Variants in NDST1 observed in about 807,000 individuals in gnomAD.
The protein encoded by NDST1 is N-deacetylase and N-sulfotransferase 1, also known as bifunctional heparan sulfate N-deacetylase/N-sulfotransferase 1.
In NDST1, 35 loss-of-function variants were observed where a neutral mutation model predicts 92.8. The observed-to-expected ratio is 0.38, with a 90% confidence interval of 0.29 to 0.50. NDST1 has a LOEUF of 0.50. Ranked by LOEUF, NDST1 falls within the 20% of genes least tolerant of loss-of-function variation. NDST1 has a pLI of 0.94. For synonymous variants in NDST1, 493 were observed against 500.3 expected (o/e 0.99, Z 0.19); for missense variants, 822 against 1,182.7 (o/e 0.69, Z 4.47).
intron 11 of NDST1, among the ~76,000 whole-genome samples, chr5:150,546,017 A>G (rs1223529316): frequency 1.4e-5 from 1 of 69,818 alleles, no homozygotes; most frequent in African/African-American, 5.9e-5. Flanking sequence ...TTTTTTTTTG[A>G]GACAGAGTCT....
chr5:150,551,902 G>A, intron 14 of NDST1, 47 bp downstream of exon 14: 1 of 1,605,576 alleles, frequency 6.2e-7, no homozygotes, highest in Non-Finnish European at 8.5e-7. Context: ...AGGGTAAGGG[G>A]TCCCTGTATG....
rs181809977 is a variant in NDST1 at position 150,516,799 on chromosome 5, G to A, written c.-387-4069G>A. Among the ~76,000 whole-genome samples, 6 of 152,270 alleles carry A rather than the reference G, an allele frequency of 3.9e-5. No individual in the cohort carries two copies. The East Asian group carries it at 9.7e-4, about 24-fold the overall frequency. On this transcript the variant is annotated intron_variant, in intron 1 of 14. Coordinates refer to ENST00000261797, the MANE Select transcript of NDST1 (RefSeq NM_001543.5). ...TCTTGCCTCAGCCTCCCGAGTAGCTGGAATTACAGGTGCCTGCTACCATGC... is the reference window on the plus strand; with the variant it reads ...TCTTGCCTCAGCCTCCCGAGTAGCTAGAATTACAGGTGCCTGCTACCATGC...
At chr5:150,544,864 G>T (rs916538620) in intron 10 of NDST1, among the ~76,000 whole-genome samples, 4 of 152,144 alleles carry the variant, frequency 2.6e-5, no homozygotes, top group Admixed American at 2.6e-4. Flanking sequence ...AAGAAAGTCC[G>T]CCCTCTGGAG....
intron 2 of NDST1, among the ~76,000 whole-genome samples, chr5:150,524,141 A>C (rs974815476): frequency 5.3e-5 from 8 of 152,244 alleles, no homozygotes; most frequent in African/African-American, 1.2e-4. Context: ...TCTGTCATTT[A>C]GAAACAGAGT....
In NDST1 at chr5:150,553,806, G is replaced by A. The variant is rs1450117323; in HGVS notation, c.*474G>A. On this transcript the variant is annotated 3_prime_UTR_variant, in exon 15 of 15. Coordinates refer to ENST00000261797, the MANE Select transcript of NDST1 (RefSeq NM_001543.5). This position sits in a 1 kb window ranked among gnomAD's most constrained non-coding sequence, Gnocchi z 4.2. ...TGTTTCGAGCCAGGCTCTTCCAAGG[G>A]GCCAGCTGGGTCCCCGGAGTCAGTC... 2.2e-6 allele frequency: 1 copy of A among 453,220 alleles called. No individual in the cohort carries two copies. The highest frequency in any genetic ancestry group is 4.0e-6 in the Non-Finnish European group (1 of 251,006). 28.1% of individuals were successfully genotyped at this position (453,220 alleles called of 1,614,324 possible).
chr5:150,537,648 G>A (rs181405354), intron 6 of NDST1, among the ~76,000 whole-genome samples: 26 of 152,280 alleles, frequency 1.7e-4, no homozygotes, highest in East Asian at 9.6e-4. Flanking sequence ...ATTTCGCCCC[G>A]TCCTGTGATC....
intron 1 of NDST1, among the ~76,000 whole-genome samples, chr5:150,519,615 G>C (rs1254108807): frequency 6.6e-6 from 1 of 152,098 alleles, no homozygotes; most frequent in East Asian, 1.9e-4. Context: ...TTAAACTGGG[G>C]AGGCGGAGGT....
In NDST1 at chr5:150,539,266, C is replaced by A; in HGVS notation, c.1476C>A (p.Thr492=). The A allele has an allele frequency of 1.9e-6, 3 of 1,614,182 alleles. No homozygotes were observed. Among genetic ancestry groups the A allele is most frequent in the Non-Finnish European group, 8.5e-7 (1 of 1,180,038 alleles). ...PRQTCGLFTH[T]IFYNEYPGGS... ...AGACCTGCGGCCTCTTCACACACAC[C>A]ATCTTCTACAACGAGTACCCTGGCG... The change falls in exon 7 of 15, where the codon ACC becomes ACA. Residue 492 remains threonine, a synonymous_variant. Coordinates refer to ENST00000261797, the MANE Select transcript of NDST1 (RefSeq NM_001543.5).
chr5:150,532,920 T>G (rs745417239), intron 3 of NDST1, 25 bp from the exon 4 acceptor site: 11 of 1,610,346 alleles, frequency 6.8e-6, no homozygotes, highest in Non-Finnish European at 8.5e-6. Flanking sequence ...CCCTCACTCA[T>G]TCCTTTCTCC....
intron 2 of NDST1, among the ~76,000 whole-genome samples, chr5:150,526,701 G>A (rs2151276718): frequency 6.6e-6 from 1 of 152,338 alleles, no homozygotes; most frequent in South Asian, 2.1e-4. Flanking sequence ...GTGCAGAGAA[G>A]AGGGTATATG....
intron 6 of NDST1, 71 bp from the exon 7 acceptor site, chr5:150,539,157 C>T (rs1755128881): frequency 2.3e-6 from 3 of 1,307,606 alleles, no homozygotes; most frequent in Non-Finnish European, 2.2e-6. Context: ...CCTTCTTCCT[C>T]TGAGGAAGAG....
chr5:150,536,572 C>A (rs1247485010), intron 6 of NDST1, among the ~76,000 whole-genome samples: 5 of 147,000 alleles, frequency 3.4e-5, no homozygotes, highest in Non-Finnish European at 7.5e-5. Flanking sequence ...TTTTTTCTTT[C>A]TTTCTTCTTT....
chr5:150,531,611 T>G (rs1754741781), intron 3 of NDST1, among the ~76,000 whole-genome samples: 1 of 151,584 alleles, frequency 6.6e-6, no homozygotes, highest in African/African-American at 2.4e-5. Flanking sequence ...GCAATTCTTC[T>G]GCCTCAGCCT....
chr5:150,548,175 G>GGCCA (rs779376440), intron 11 of NDST1, 43 bp from the exon 12 acceptor site: 1 of 1,613,284 alleles, frequency 6.2e-7, no homozygotes, highest in Non-Finnish European at 8.5e-7. Context: ...CACTTCCTTT[G>GGCCA]TGTCCTCCAA....
At position 150,531,500 on chromosome 5, in the gene NDST1, C is replaced by CT. The variant is rs35747232; in HGVS notation, c.1009-1428dup. On this transcript the variant is annotated intron_variant, in intron 3 of 14. Transcript: ENST00000261797. Reference sequence around the variant, plus strand: ...ACAGGTTTCTTTTTTCTTTTTCTCTCTTTTTTTTTTTTTTTTTGAGATGGA... The same window carrying CT: ...ACAGGTTTCTTTTTTCTTTTTCTCTCTTTTTTTTTTTTTTTTTTGAGATGGA... Among the ~76,000 whole-genome samples, 582 of 131,120 alleles carry CT rather than the reference C, an allele frequency of 4.4e-3. 2 individuals are homozygous for CT. Among genetic ancestry groups the CT allele is most frequent in the Middle Eastern group, 7.8e-3 (2 of 256 alleles). The allele number at this position is 131,120 out of a possible 152,430, so 86.0% of individuals were successfully genotyped here.
chr5:150,519,902 C>T (rs774231055), intron 1 of NDST1, among the ~76,000 whole-genome samples: 11 of 151,646 alleles, frequency 7.3e-5, no homozygotes, highest in African/African-American at 1.9e-4. Context: ...GCAGGCGGTG[C>T]GGGGGGTTCA....
chr5:150,528,024 C>T lies in NDST1; in HGVS notation c.734C>T (p.Ser245Leu), dbSNP rs144719078. The T allele has an allele frequency of 8.7e-6, 14 of 1,613,624 alleles. No individual in the cohort carries two copies. The highest frequency in any genetic ancestry group is 2.2e-5 in the South Asian group (2 of 91,026). ...CCAGTGCTGCTGGCCAAGACGCGCTCGTCTGAGTCCATCCCACACCTGGGC... is the reference window on the plus strand; with the variant it reads ...CCAGTGCTGCTGGCCAAGACGCGCTTGTCTGAGTCCATCCCACACCTGGGC... ...YEPVLLAKTR[S>L]SESIPHLGAD... The change falls in exon 3 of 15, where the codon TCG (serine) becomes TTG (leucine). Residue 245 changes from serine (S) to leucine (L), a missense_variant. Transcript: ENST00000261797.
rs1282075506 is a variant in NDST1 at position 150,535,844 on chromosome 5, C to G, written c.1396C>G (p.Pro466Ala). Residue 466 changes from proline to alanine, a missense_variant, in exon 6 of 15, where the codon CCA becomes GCA. Transcript: ENST00000261797. ...TSTEEYPHLK[P>A]ARYRRGFIHN... ...CACGGAGGAGTACCCCCACCTGAAG[C>G]CAGCCCGCTACCGCCGTGGCTTCAT... The G allele has an allele frequency of 2.0e-5, 32 of 1,613,924 alleles. No homozygotes were observed. The highest frequency in any genetic ancestry group is 2.6e-5 in the Non-Finnish European group (31 of 1,180,008).
At position 150,521,028 on chromosome 5, in the gene NDST1, G is replaced by A; in HGVS notation, c.-227G>A. The A allele has an allele frequency of 6.7e-6, 4 of 598,624 alleles. No homozygotes were observed. In the Admixed American group the frequency reaches 8.9e-5, roughly 13 times the overall value. The allele number at this position is 598,624 out of a possible 1,614,324, so 37.1% of individuals were successfully genotyped here. ...GGGGGTTTGCCATGGTGACATAAAG[G>A]GGCGCGGAGGAAGGAAGGAGCGTGA... On this transcript the variant is annotated 5_prime_UTR_variant, in exon 2 of 15. Transcript: ENST00000261797. The surrounding 1 kb of genome is among the most constrained non-coding windows in gnomAD (Gnocchi z 5.9).
Sources: gnomAD v4.1 joint callset for allele counts (sites outside exome capture counted in the v4.1 genomes callset) on GRCh38, gnomAD v4.1.1 for gene constraint, Gnocchi (gnomAD v3.1) non-coding constraint, MANE v1.5 for transcripts, NCBI Gene and HGNC (gene_info 2026-07-23, HGNC 2026-07-21) for gene names.